The following HFM1 variants were observed in gnomAD, a reference collection of about 807,000 sequenced individuals.
HFM1 encodes the protein probable ATP-dependent DNA helicase HFM1.
A neutral mutation model predicts 192.1 loss-of-function variants in HFM1; 169 were observed. That is an observed-to-expected ratio of 0.88 (90% CI 0.78 to 1.00). HFM1 has a LOEUF of 1.00. Among genes scored for constraint, HFM1 ranks in the 50% least tolerant of loss-of-function variants. The probability of loss-of-function intolerance (pLI) is 0.00; values close to 1 mark genes in which losing one functional copy is unlikely to be tolerated. For missense variants in HFM1, 1,661 were observed against 1,668.0 expected (o/e 1.00, Z 0.07); for synonymous variants, 525 against 537.8 (o/e 0.98, Z 0.33).
Position 91,380,149 on chromosome 1 carries a change from A to G in HFM1, c.961T>C (p.Leu321=). Residue 321 remains leucine, a synonymous_variant, in exon 8 of 39, where the codon TTA becomes CTA. Transcript: ENST00000370425. ...VVFELAITRL[L]MEVPLPWLNI... is the part of the protein sequence containing the mutation. Reference sequence around the variant, plus strand: ...AACCATGGCAATGGTACTTCCATTAACAATCTTGTTATAGCTAGTTCAAAC... The same window carrying G: ...AACCATGGCAATGGTACTTCCATTAGCAATCTTGTTATAGCTAGTTCAAAC... The G allele has an allele frequency of 6.7e-7, 1 of 1,497,910 alleles. No homozygotes were observed. The highest frequency in any genetic ancestry group is 9.2e-7 in the Non-Finnish European group (1 of 1,089,896). 92.8% of individuals were successfully genotyped at this position (1,497,910 alleles called of 1,614,324 possible).
At chr1:91,378,516 T>C (rs767900081) in intron 9 of HFM1, 36 bp from the exon 10 acceptor site, 3 of 1,194,940 alleles carry the variant, frequency 2.5e-6, no homozygotes, top group South Asian at 1.3e-5. Flanking sequence ...TAGTTTAATG[T>C]GATAAGGAAT....
chr1:91,315,077 T>C (rs766483631), intron 28 of HFM1, among the ~76,000 whole-genome samples: 2 of 152,230 alleles, frequency 1.3e-5, no homozygotes, highest in Non-Finnish European at 2.9e-5. Context: ...ATCTAGACTT[T>C]GCTATTAACT....
intron 4 of HFM1, among the ~76,000 whole-genome samples, chr1:91,391,439 A>G (rs1662977469): frequency 6.6e-6 from 1 of 152,258 alleles, no homozygotes; most frequent in African/African-American, 2.4e-5. Context: ...GCCCTCAGAA[A>G]TAATATCACA....
intron 11 of HFM1, 51 bp from the exon 12 acceptor site, chr1:91,375,778 A>G (rs1474692765): frequency 1.3e-6 from 2 of 1,514,384 alleles, no homozygotes. Flanking sequence ...GTAAAGTTTT[A>G]TTGCTAAAAA....
intron 20 of HFM1, among the ~76,000 whole-genome samples, chr1:91,331,806 G>T (rs1005336094): frequency 6.6e-6 from 1 of 152,206 alleles, no homozygotes; most frequent in Non-Finnish European, 1.5e-5. Flanking sequence ...TGAGGCAGGA[G>T]AATCACTTGA....
chr1:91,301,088 C>G (rs1317741260), intron 30 of HFM1, among the ~76,000 whole-genome samples: 2 of 152,244 alleles, frequency 1.3e-5, no homozygotes, highest in Non-Finnish European at 2.9e-5. Flanking sequence ...TCAGCAAAGT[C>G]TCAGGATACA....
In HFM1 at chr1:91,385,620, T is replaced by C; in HGVS notation, c.709A>G (p.Lys237Glu). ...AAAGCAACTGAAAAAGATGGTGCTTTGAACATGCCTTCTCCGATTTCAGAA... is the reference window on the plus strand; with the variant it reads ...AAAGCAACTGAAAAAGATGGTGCTTCGAACATGCCTTCTCCGATTTCAGAA... Reference protein sequence around the residue: ...SASEIGEGMFKAPSFSVAFQP... With the variant: ...SASEIGEGMFEAPSFSVAFQP... The change falls in exon 5 of 39, where the codon AAA becomes GAA. Residue 237 changes from lysine (K) to glutamate (E), a missense_variant. Physicochemically the swap from Lys to Glu is moderately conservative, Grantham distance 56. Coordinates refer to ENST00000370425, the MANE Select transcript of HFM1 (RefSeq NM_001017975.6). 6.2e-7 allele frequency: 1 copy of C among 1,613,560 alleles called. No individual in the cohort carries two copies. Among genetic ancestry groups the C allele is most frequent in the Non-Finnish European group, 8.5e-7 (1 of 1,179,574 alleles).
intron 35 of HFM1, among the ~76,000 whole-genome samples, chr1:91,267,454 T>C (rs990321756): frequency 1.1e-4 from 16 of 152,058 alleles, no homozygotes; most frequent in East Asian, 3.9e-4. Context: ...TGAGAGAAAA[T>C]TGAATAAACA....
At chr1:91,283,367 C>T (rs1667635873) in intron 30 of HFM1, among the ~76,000 whole-genome samples, 1 of 152,138 alleles carries the variant, frequency 6.6e-6, no homozygotes, top group Admixed American at 6.5e-5. Flanking sequence ...ACTCAGCCCC[C>T]TCAGTAGCTG....
chr1:91,349,646 T>C lies in HFM1; in HGVS notation c.2206+1092A>G, dbSNP rs573602375. Reference sequence around the variant, plus strand: ...GTGAGTGAGACAATTTACAAGTGAATCTTCAAGACCCAGGAAAGCCTTCAG... The same window carrying C: ...GTGAGTGAGACAATTTACAAGTGAACCTTCAAGACCCAGGAAAGCCTTCAG... On this transcript the variant is annotated intron_variant, in intron 18 of 38. Coordinates refer to ENST00000370425, the MANE Select transcript of HFM1 (RefSeq NM_001017975.6). Among the ~76,000 whole-genome samples, 12 of 152,274 alleles carry C rather than the reference T, an allele frequency of 7.9e-5. No homozygotes were observed. The South Asian group carries it at 2.5e-3, about 32-fold the overall frequency.
intron 30 of HFM1, among the ~76,000 whole-genome samples, chr1:91,293,308 C>T (rs1668998003): frequency 6.6e-6 from 1 of 152,074 alleles, no homozygotes; most frequent in Non-Finnish European, 1.5e-5. Flanking sequence ...ACTCATCTGA[C>T]AAAGGGCTAA....
At chr1:91,348,379 A>G (rs1656425485) in intron 18 of HFM1, among the ~76,000 whole-genome samples, 1 of 152,216 alleles carries the variant, frequency 6.6e-6, no homozygotes, top group Non-Finnish European at 1.5e-5. Context: ...GCTGGTAGAT[A>G]TATGAGCTAC....
chr1:91,394,260 T>G lies in HFM1; in HGVS notation c.327A>C (p.Val109=). Reference sequence around the variant, plus strand: ...CAATATGTGATAAGTCATTATTACCTACCCCTTCTAAATTTAGATCATCCT... The same window carrying G: ...CAATATGTGATAAGTCATTATTACCGACCCCTTCTAAATTTAGATCATCCT... ...YEQDDLNLEG[V]GNNDLSHIAG... Residue 109 remains valine (V), a synonymous_variant, in exon 4 of 39, where the codon GTA becomes GTC. Coordinates refer to ENST00000370425, the MANE Select transcript of HFM1 (RefSeq NM_001017975.6). 1 of 1,597,544 alleles carries G rather than the reference T, an allele frequency of 6.3e-7. No homozygotes were observed. Among genetic ancestry groups the G allele is most frequent in the Middle Eastern group, 1.7e-4 (1 of 6,032 alleles).
chr1:91,319,219 A>T lies in HFM1; in HGVS notation c.2681-10T>A, dbSNP rs745694601. 3.1e-6 allele frequency: 5 copies of T among 1,603,890 alleles called. No individual in the cohort carries two copies. Among genetic ancestry groups the T allele is most frequent in the African/African-American group, 1.3e-5 (1 of 74,088 alleles). On this transcript the variant is annotated splice_polypyrimidine_tract_variant and intron_variant, in intron 24 of 38. Transcript: ENST00000370425. ...ACAAAATCTGACAACCCTAAAAAAA[A>T]AGTTTCCAGTATTAAATCTAATATA...
At position 91,375,711 on chromosome 1, in the gene HFM1, G is replaced by A. The variant is rs1660822785; in HGVS notation, c.1412C>T (p.Ser471Leu). Residue 471 changes from serine (S) to leucine (L), a missense_variant, in exon 12 of 39, where the codon TCA (serine) becomes TTA (leucine). Physicochemically the swap from Ser to Leu is moderately radical, Grantham distance 145. Transcript: ENST00000370425. ...PNAEDIAEWLSDGERPAVCLK... is the reference protein window; with the variant it reads ...PNAEDIAEWLLDGERPAVCLK... ...ACACACAGCTGGTCTTTCACCATCT[G>A]AAAGCCATTCTGCAATCTTTGAAAC... The A allele has an allele frequency of 1.2e-6, 2 of 1,612,892 alleles. No individual in the cohort carries two copies. The highest frequency in any genetic ancestry group is 1.7e-6 in the Non-Finnish European group (2 of 1,179,272).
intron 13 of HFM1, among the ~76,000 whole-genome samples, chr1:91,367,674 G>A (rs930704972): frequency 7.9e-5 from 12 of 152,032 alleles, no homozygotes; most frequent in South Asian, 2.1e-4. Context: ...CAGAAAAACC[G>A]GAAACTCTAA....
intron 30 of HFM1, among the ~76,000 whole-genome samples, chr1:91,290,193 CACA>C (rs1426553221): frequency 1.3e-5 from 2 of 151,970 alleles, no homozygotes; most frequent in African/African-American, 2.4e-5. Flanking sequence ...CAAATTCAAA[CACA>C]ACAATATTAA....
intron 13 of HFM1, among the ~76,000 whole-genome samples, chr1:91,368,710 C>T (rs2101899570): frequency 6.6e-6 from 1 of 152,278 alleles, no homozygotes; most frequent in East Asian, 1.9e-4. Context: ...AAATAACCAG[C>T]TAACATCATA....
At chr1:91,296,908 C>T (rs1371570817) in intron 30 of HFM1, among the ~76,000 whole-genome samples, 3 of 152,144 alleles carry the variant, frequency 2.0e-5, no homozygotes, top group Admixed American at 6.5e-5. Context: ...ACTGAGGTAC[C>T]GGGTTCATCT....
Sources: allele counts gnomAD v4.1 joint callset (sites outside exome capture counted in the v4.1 genomes callset), GRCh38; gene constraint gnomAD v4.1.1; transcripts MANE v1.5; gene names NCBI Gene and HGNC (gene_info 2026-07-23, HGNC 2026-07-21).